The following ENTREP2 variants were observed in gnomAD, a reference collection of about 807,000 sequenced individuals.
ENTREP2 encodes the protein endosomal transmembrane epsin interactor 2, also known as protein ENTREP2.
At chr15:29,271,688 A>G in the ENTREP2 span, among the ~76,000 whole-genome samples, 1 of 152,136 alleles carries the variant, frequency 6.6e-6, no homozygotes, top group African/African-American at 2.4e-5. Flanking sequence ...GCTCTGATCA[A>G]TCACGACCCT....
At chr15:29,157,109 T>TA in the ENTREP2 span, among the ~76,000 whole-genome samples, 1 of 151,352 alleles carries the variant, frequency 6.6e-6, no homozygotes, top group Non-Finnish European at 1.5e-5. Context: ...AGAAAAAAAA[T>TA]AAAAAATAAA....
At chr15:29,648,419 C>A in the ENTREP2 span, among the ~76,000 whole-genome samples, 1 of 152,216 alleles carries the variant, frequency 6.6e-6, no homozygotes, top group Non-Finnish European at 1.5e-5. Flanking sequence ...AGGCTGGCTG[C>A]TGTTGTTGGT....
At chr15:29,324,361 C>T in the ENTREP2 span, among the ~76,000 whole-genome samples, 1 of 152,166 alleles carries the variant, frequency 6.6e-6, no homozygotes, top group East Asian at 1.9e-4. Context: ...GGATTACAGG[C>T]ATGAGCCACT....
At chr15:29,336,669 G>A in the ENTREP2 span, among the ~76,000 whole-genome samples, 94,463 of 152,036 alleles carry the variant, frequency 0.62, 33,044 homozygotes, top group Non-Finnish European at 0.77. Context: ...GAATCTGCCT[G>A]CACTTGGAGG....
the ENTREP2 span, among the ~76,000 whole-genome samples, chr15:29,216,611 G>C: frequency 6.6e-6 from 1 of 152,218 alleles, no homozygotes; most frequent in African/African-American, 2.4e-5. Flanking sequence ...ATCATTCTTA[G>C]GGTTGGTCAT....
chr15:29,416,343 C>T, the ENTREP2 span, among the ~76,000 whole-genome samples: 185 of 152,244 alleles, frequency 1.2e-3, 1 homozygote, highest in African/African-American at 4.1e-3. Context: ...AATAATGCCG[C>T]GTATCTACAA....
chr15:29,306,830 C>T, the ENTREP2 span, among the ~76,000 whole-genome samples: 1 of 151,706 alleles, frequency 6.6e-6, no homozygotes, highest in Non-Finnish European at 1.5e-5. Flanking sequence ...ACTGCAACTT[C>T]CGCCTACCTG....
At chr15:29,657,483 C>CAGGGCGGGGCGGGGGGGG in the ENTREP2 span, among the ~76,000 whole-genome samples, 1 of 69,434 alleles carries the variant, frequency 1.4e-5, no homozygotes, top group African/African-American at 6.0e-5. Context: ...GCTGGGGGGG[C>CAGGGCGGGGCGGGGGGGG]GGGGGGGGGG....
chr15:29,178,669 T>C, the ENTREP2 span, among the ~76,000 whole-genome samples: 1 of 152,104 alleles, frequency 6.6e-6, no homozygotes, highest in Non-Finnish European at 1.5e-5. Context: ...CTCCCTGCCC[T>C]ATAAAAGAAA....
At chr15:29,159,543 A>ATTTTACAGAGAGCTGATTGGTCCG in the ENTREP2 span, among the ~76,000 whole-genome samples, 9 of 152,080 alleles carry the variant, frequency 5.9e-5, no homozygotes, top group Non-Finnish European at 5.9e-5. Context: ...CGATTGGTCC[A>ATTTTACAGAGAGCTGATTGGTCCG]TTTTACAGAG....
the ENTREP2 span, among the ~76,000 whole-genome samples, chr15:29,478,531 G>A: frequency 1.3e-5 from 2 of 152,068 alleles, 1 homozygote; most frequent in South Asian, 4.1e-4. Flanking sequence ...CCTGGTGGGA[G>A]GAGTTTGGAT....
At chr15:29,604,145 G>A in the ENTREP2 span, among the ~76,000 whole-genome samples, 1 of 151,316 alleles carries the variant, frequency 6.6e-6, no homozygotes, top group Non-Finnish European at 1.5e-5. Context: ...AAGAAAGTGA[G>A]TGGGAATTTC....
At chr15:29,475,131 G>C in the ENTREP2 span, among the ~76,000 whole-genome samples, 4 of 152,172 alleles carry the variant, frequency 2.6e-5, no homozygotes, top group East Asian at 3.9e-4. Context: ...TGTGTGGGAG[G>C]GGGTGACAAG....
At chr15:29,272,772 C>T in the ENTREP2 span, among the ~76,000 whole-genome samples, 4 of 152,174 alleles carry the variant, frequency 2.6e-5, no homozygotes, top group Admixed American at 2.6e-4. Flanking sequence ...CTCCCTGGGA[C>T]CCATATTCCA....
the ENTREP2 span, among the ~76,000 whole-genome samples, chr15:29,238,881 A>G: frequency 6.6e-6 from 1 of 152,084 alleles, no homozygotes; most frequent in South Asian, 2.1e-4. Context: ...ATGGTGTTAA[A>G]CCATGAGAAA....
the ENTREP2 span, among the ~76,000 whole-genome samples, chr15:29,159,445 C>G: frequency 1.3e-5 from 2 of 152,126 alleles, no homozygotes; most frequent in Non-Finnish European, 2.9e-5. Flanking sequence ...AGGACAGGGC[C>G]GGGTTGCTAC....
chr15:29,227,125 G>A, the ENTREP2 span, among the ~76,000 whole-genome samples: 2 of 152,202 alleles, frequency 1.3e-5, no homozygotes, highest in Admixed American at 1.3e-4. Flanking sequence ...AGGACTGGCT[G>A]GAGGGGGAAT....
the ENTREP2 span, among the ~76,000 whole-genome samples, chr15:29,617,559 G>A: frequency 6.6e-6 from 1 of 152,208 alleles, no homozygotes; most frequent in East Asian, 1.9e-4. Flanking sequence ...ATTATTTCAT[G>A]TCTTCAGCTG....
the ENTREP2 span, among the ~76,000 whole-genome samples, chr15:29,616,626 T>A: frequency 1.3e-5 from 2 of 152,232 alleles, no homozygotes; most frequent in Admixed American, 6.5e-5. Flanking sequence ...TTCATACTGC[T>A]TTAAGTATAA....
Sources: allele counts gnomAD v4.1 joint callset (sites outside exome capture counted in the v4.1 genomes callset), GRCh38; gene constraint gnomAD v4.1.1; transcripts MANE v1.5; gene names NCBI Gene and HGNC (gene_info 2026-07-23, HGNC 2026-07-21).